NTN1: variants seen among roughly 807,000 people sequenced by gnomAD.
NTN1 encodes the protein netrin 1.
A neutral mutation model predicts 54.2 loss-of-function variants in NTN1; 11 were observed. The observed-to-expected ratio is 0.20, with a 90% CI of 0.13 to 0.34. The LOEUF (loss-of-function observed/expected upper bound fraction) is 0.34. NTN1 is among the 10% of genes least tolerant of loss of function. The pLI is 1.00. For missense variants in NTN1, 740 were observed against 893.1 expected (o/e 0.83, Z 2.18); for synonymous variants, 371 against 382.0 (o/e 0.97, Z 0.33).
At position 9,166,340 on chromosome 17, in the gene NTN1, C is replaced by CTTTTT. The variant is rs34345156; in HGVS notation, c.1207+3354_1207+3358dup. ...ATGTGGTGCTGCCCCCAGGCTCTGGCTTTTTTTTTTTTTTTTTTTGAGATG... is the reference window on the plus strand; with the variant it reads ...ATGTGGTGCTGCCCCCAGGCTCTGGCTTTTTTTTTTTTTTTTTTTTTTTTGAGATG... On this transcript the variant is annotated intron_variant, in intron 3 of 6. Coordinates refer to ENST00000173229, the MANE Select transcript of NTN1 (RefSeq NM_004822.3). Among the ~76,000 whole-genome samples the CTTTTT allele has an allele frequency of 1.1e-4, 13 of 113,048 alleles. 1 individual carries two copies. The highest frequency in any genetic ancestry group is 4.8e-3 in the Middle Eastern group (1 of 210). The allele number at this position is 113,048 out of a possible 152,430, so 74.2% of individuals were successfully genotyped here. A position where few individuals can be genotyped will look rare whatever the true frequency, so the allele number is the denominator to read the frequency against.
At chr17:9,181,483 C>A (rs2092418938) in intron 4 of NTN1, among the ~76,000 whole-genome samples, 1 of 152,164 alleles carries the variant, frequency 6.6e-6, no homozygotes, top group Non-Finnish European at 1.5e-5. Context: ...CTGCTGGGAC[C>A]AGGTGGCTTT....
Position 9,215,490 on chromosome 17 carries a change from C to T in NTN1, c.1412-5678C>T, listed in dbSNP as rs192295849. On this transcript the variant is annotated intron_variant, in intron 5 of 6. Coordinates refer to ENST00000173229, the MANE Select transcript of NTN1 (RefSeq NM_004822.3). Reference sequence around the variant, plus strand: ...ATGCCATCACTTTCCCCTGTAAACTCTTACTTTTGACTCATTTCATAGTTG... The same window carrying T: ...ATGCCATCACTTTCCCCTGTAAACTTTTACTTTTGACTCATTTCATAGTTG... Among the ~76,000 whole-genome samples the T allele has an allele frequency of 2.0e-3, 312 of 152,248 alleles. 2 individuals are homozygous for T. Among genetic ancestry groups the T allele is most frequent in the Middle Eastern group, 6.8e-3 (2 of 294 alleles).
intron 2 of NTN1, among the ~76,000 whole-genome samples, chr17:9,100,383 C>T (rs190525303): frequency 5.8e-4 from 89 of 152,286 alleles, no homozygotes; most frequent in African/African-American, 8.7e-4. Flanking sequence ...CTCCAAGCTC[C>T]ACCTCCCAGG....
At chr17:9,129,739 T>C (rs1191325706) in intron 2 of NTN1, among the ~76,000 whole-genome samples, 1 of 152,192 alleles carries the variant, frequency 6.6e-6, no homozygotes, top group Non-Finnish European at 1.5e-5. Flanking sequence ...CCACGCTCTC[T>C]CTGGACCTCC....
chr17:9,201,587 C>T (rs1443204363), intron 5 of NTN1, among the ~76,000 whole-genome samples: 1 of 152,226 alleles, frequency 6.6e-6, no homozygotes, highest in Admixed American at 6.5e-5. Context: ...CACATATGGC[C>T]TCCCTTGTAG....
chr17:9,139,426 C>T (rs912468358), intron 2 of NTN1, among the ~76,000 whole-genome samples: 2 of 152,156 alleles, frequency 1.3e-5, no homozygotes, highest in African/African-American at 4.8e-5. Context: ...CCAAGCAAAA[C>T]CATATTTCAC....
At chr17:9,032,072 GACGTGTCCACTTGCACTA>G (rs2091889979) in intron 2 of NTN1, among the ~76,000 whole-genome samples, 2 of 152,196 alleles carry the variant, frequency 1.3e-5, no homozygotes, top group African/African-American at 4.8e-5. Flanking sequence ...AGAAGGTGCA[GACGTGTCCACTTGCACTA>G]ACCCTGAACA....
intron 5 of NTN1, among the ~76,000 whole-genome samples, chr17:9,199,491 G>T (rs918851799): frequency 6.6e-6 from 1 of 152,254 alleles, no homozygotes; most frequent in Admixed American, 6.5e-5. Flanking sequence ...TGGATGGGTG[G>T]CTCCCTTCCA....
intron 2 of NTN1, among the ~76,000 whole-genome samples, chr17:9,142,858 C>T (rs1051291743): frequency 6.6e-5 from 10 of 152,080 alleles, no homozygotes; most frequent in Admixed American, 1.3e-4. Flanking sequence ...TATGTAGATG[C>T]TATAAGTTGA....
intron 3 of NTN1, among the ~76,000 whole-genome samples, chr17:9,172,627 G>A (rs2092390160): frequency 6.6e-6 from 1 of 152,118 alleles, no homozygotes; most frequent in Non-Finnish European, 1.5e-5. Context: ...ATTAAACATG[G>A]GCAAAACACT....
intron 2 of NTN1, among the ~76,000 whole-genome samples, chr17:9,155,998 T>C (rs1254820508): frequency 6.6e-6 from 1 of 152,134 alleles, no homozygotes; most frequent in African/African-American, 2.4e-5. Flanking sequence ...GAGTTGTACA[T>C]GCTGAGTAGG....
chr17:9,183,113 T>C, intron 5 of NTN1, 144 bp downstream of exon 5: 1 of 822,566 alleles, frequency 1.2e-6, no homozygotes, highest in South Asian at 1.5e-5. Flanking sequence ...CATCCTGGGT[T>C]GCATTGAAGA....
chr17:9,071,018 C>A lies in NTN1; in HGVS notation c.1018+47627C>A, dbSNP rs148551672. Among the ~76,000 whole-genome samples, 36 of 152,290 alleles carry A rather than the reference C, an allele frequency of 2.4e-4. 1 individual carries two copies. The East Asian group carries it at 6.6e-3, about 28-fold the overall frequency. On this transcript the variant is annotated intron_variant, in intron 2 of 6. Transcript: ENST00000173229. The stretch of plus-strand genomic sequence containing the variant: ...TTCAGACCATTCCCATGCTGCGTGT[C>A]CGCCACGTTGCTTCCACAGAGCCTC...
At chr17:9,226,626 C>T (rs1905574048) in intron 6 of NTN1, among the ~76,000 whole-genome samples, 1 of 152,112 alleles carries the variant, frequency 6.6e-6, no homozygotes, top group Non-Finnish European at 1.5e-5. Context: ...GCTGTTCTTA[C>T]AAATGCTTGG....
intron 5 of NTN1, among the ~76,000 whole-genome samples, chr17:9,206,844 C>T (rs1469662402): frequency 1.3e-5 from 2 of 152,234 alleles, no homozygotes; most frequent in South Asian, 2.1e-4. Context: ...TTTATCGGCT[C>T]CTGCTCTCCT....
chr17:9,157,137 G>A (rs1156512952), intron 2 of NTN1, among the ~76,000 whole-genome samples: 1 of 152,184 alleles, frequency 6.6e-6, no homozygotes, highest in Non-Finnish European at 1.5e-5. Context: ...AAGGCTTTCT[G>A]TGGGCTGGAG....
At chr17:9,194,235 C>CAAA (rs35308916) in intron 5 of NTN1, among the ~76,000 whole-genome samples, 1 of 148,804 alleles carries the variant, frequency 6.7e-6, no homozygotes, top group African/African-American at 2.5e-5. Context: ...GACTCTGTCT[C>CAAA]AAAAAAAAAA....
chr17:9,128,129 A>C (rs2092253349), intron 2 of NTN1, among the ~76,000 whole-genome samples: 1 of 149,996 alleles, frequency 6.7e-6, no homozygotes, highest in South Asian at 2.1e-4. Context: ...AAAATAAATA[A>C]ATAAATAAAT....
Position 9,022,489 on chromosome 17 carries a change from A to G in NTN1, c.116A>G (p.Asp39Gly), listed in dbSNP as rs764031075. ...TTCGCGGGCCAGGCGGCGCAGCCCG[A>G]TCCCTGCTCGGACGAGAACGGCCAC... is the stretch of plus-strand genomic sequence containing the variant. ...SMFAGQAAQP[D>G]PCSDENGHPR... Residue 39 changes from aspartate (D) to glycine (G), a missense_variant, in exon 2 of 7, where the codon GAT (aspartate) becomes GGT (glycine). Physicochemically the swap from Asp to Gly is moderately conservative, Grantham distance 94. Transcript: ENST00000173229. 8.4e-6 allele frequency: 13 copies of G among 1,538,580 alleles called. No individual in the cohort carries two copies. The Admixed American group carries it at 9.7e-5, about 12-fold the overall frequency.
Sources: gnomAD v4.1 joint callset for allele counts (sites outside exome capture counted in the v4.1 genomes callset) on GRCh38, gnomAD v4.1.1 for gene constraint, MANE v1.5 for transcripts, NCBI Gene and HGNC (gene_info 2026-07-23, HGNC 2026-07-21) for gene names.